Variants in RUNX1 observed in about 807,000 individuals in gnomAD.
RUNX1 encodes RUNX family transcription factor 1.
A neutral mutation model predicts 42.8 loss-of-function variants in RUNX1; 19 were observed. The ratio of observed to expected loss-of-function variants is 0.44; its 90% CI spans 0.31 to 0.65. RUNX1 has a LOEUF of 0.65. Among genes scored for constraint, RUNX1 ranks in the 30% least tolerant of loss-of-function variants. RUNX1 has a pLI of 0.07. For synonymous variants in RUNX1, 271 were observed against 289.4 expected (o/e 0.94, Z 0.64); for missense variants, 528 against 672.0 (o/e 0.79, Z 2.37).
At chr21:34,897,560 A>T (rs2058140510) in intron 2 of RUNX1, among the ~76,000 whole-genome samples, 3 of 152,128 alleles carry the variant, frequency 2.0e-5, no homozygotes, top group Admixed American at 2.0e-4. Flanking sequence ...GAATTATAAT[A>T]TATTTTGGGT....
Position 35,034,623 on chromosome 21 carries a change from G to C in RUNX1, c.58+14219C>G, listed in dbSNP as rs60634499. On this transcript the variant is annotated intron_variant, in intron 2 of 8. Transcript: ENST00000675419. ...GTGGCAACATGAGGAGGGAAGGGTT[G>C]TCACTAGTGTCTAGTGGGTGTGGGC... Among the ~76,000 whole-genome samples the C allele has an allele frequency of 4.1e-3, 629 of 152,328 alleles. 5 individuals carry two copies. The highest frequency in any genetic ancestry group is 0.014 in the African/African-American group (582 of 41,572).
chr21:34,856,817 G>A (rs146445757), intron 6 of RUNX1, among the ~76,000 whole-genome samples: 242 of 152,300 alleles, frequency 1.6e-3, no homozygotes, highest in African/African-American at 5.4e-3. Context: ...GAGGGGACTC[G>A]GGAGGTCTTA....
intron 8 of RUNX1, chr21:34,798,069 G>A: frequency 4.4e-6 from 2 of 456,642 alleles, no homozygotes; most frequent in Non-Finnish European, 8.8e-6. Flanking sequence ...GGCATCTGGT[G>A]AAACCTGAAG....
intron 2 of RUNX1, among the ~76,000 whole-genome samples, chr21:34,942,260 T>C (rs2058532854): frequency 1.3e-5 from 2 of 152,066 alleles, no homozygotes. Context: ...TATTTTAAAT[T>C]GCAGTTTTCC....
intron 2 of RUNX1, among the ~76,000 whole-genome samples, chr21:34,962,434 C>T (rs1381029201): frequency 6.6e-6 from 1 of 152,164 alleles, no homozygotes; most frequent in Admixed American, 6.5e-5. Flanking sequence ...TTAACTCTTC[C>T]CTTTTGCTAG....
intron 2 of RUNX1, among the ~76,000 whole-genome samples, chr21:34,975,568 T>C (rs576539208): frequency 6.6e-6 from 1 of 152,206 alleles, no homozygotes; most frequent in Non-Finnish European, 1.5e-5. Context: ...AGAGGGGTCC[T>C]GAAACCAATA....
chr21:35,015,360 G>A (rs1217296888), intron 2 of RUNX1, among the ~76,000 whole-genome samples: 1 of 152,198 alleles, frequency 6.6e-6, no homozygotes, highest in Non-Finnish European at 1.5e-5. Context: ...ATATTTAGGT[G>A]TTAGCTTTCT....
At chr21:34,878,362 T>TATATATATATATACACACACAC (rs2057847408) in intron 5 of RUNX1, among the ~76,000 whole-genome samples, 4 of 139,864 alleles carry the variant, frequency 2.9e-5, no homozygotes, top group Non-Finnish European at 6.1e-5. Flanking sequence ...AAAAAAAAAA[T>TATATATATATATACACACACAC]ATATATATAT....
chr21:34,853,881 C>T (rs28542873), intron 6 of RUNX1, among the ~76,000 whole-genome samples: 3 of 149,836 alleles, frequency 2.0e-5, no homozygotes, highest in Non-Finnish European at 3.0e-5. Context: ...GGCACCATCT[C>T]GGCTCACTGC....
intron 6 of RUNX1, among the ~76,000 whole-genome samples, chr21:34,849,346 T>TAC (rs1395661978): frequency 5.1e-5 from 2 of 39,270 alleles, no homozygotes; most frequent in Non-Finnish European, 9.8e-5. Context: ...ATATATTATA[T>TAC]ATAGTATATA....
At chr21:34,893,782 TTA>T (rs1491245015) in intron 2 of RUNX1, among the ~76,000 whole-genome samples, 2 of 121,520 alleles carry the variant, frequency 1.6e-5, no homozygotes, top group African/African-American at 3.4e-5. Flanking sequence ...TTTTTTTTTT[TTA>T]AAAAAAAACC....
chr21:34,930,347 G>C (rs1273154599), intron 2 of RUNX1, among the ~76,000 whole-genome samples: 2 of 148,830 alleles, frequency 1.3e-5, no homozygotes, highest in Non-Finnish European at 3.0e-5. Flanking sequence ...TATGAACCTA[G>C]ACTCTGGTTC....
chr21:35,003,910 C>T (rs555948056), intron 2 of RUNX1, among the ~76,000 whole-genome samples: 2 of 152,340 alleles, frequency 1.3e-5, no homozygotes, highest in Non-Finnish European at 2.9e-5. Context: ...AGATTTATTT[C>T]GTTCAAATAC....
chr21:34,883,374 G>A lies in RUNX1; in HGVS notation c.352-2661C>T, dbSNP rs1379849089. 3.3e-5 allele frequency among the ~76,000 whole-genome samples: 5 copies of A among 151,832 alleles called. No individual in the cohort carries two copies. The East Asian group carries it at 9.6e-4, about 29-fold the overall frequency. ...GGTAAAGGGGAACTAGTAAATCCAGGGCAATTCATTAATACTGTATATCGT... is the reference window on the plus strand; with the variant it reads ...GGTAAAGGGGAACTAGTAAATCCAGAGCAATTCATTAATACTGTATATCGT... On this transcript the variant is annotated intron_variant, in intron 4 of 8. Transcript: ENST00000675419.
chr21:35,045,983 T>C (rs1022528712), intron 2 of RUNX1, among the ~76,000 whole-genome samples: 29 of 152,160 alleles, frequency 1.9e-4, no homozygotes, highest in South Asian at 2.1e-4. Context: ...CAAGGCTACC[T>C]GAGCCATTTT....
intron 2 of RUNX1, among the ~76,000 whole-genome samples, chr21:34,992,688 A>G (rs866689507): frequency 0.05 from 7,204 of 144,684 alleles, 536 homozygotes; most frequent in African/African-American, 0.17. Flanking sequence ...AAAAAAAAAA[A>G]GAAAAAAAAA....
At chr21:34,880,492 A>C (rs2057881535) in intron 5 of RUNX1, 65 bp downstream of exon 5, 1 of 1,524,394 alleles carries the variant, frequency 6.6e-7, no homozygotes, top group Admixed American at 1.7e-5. Flanking sequence ...AAATCACTAG[A>C]ATTTTGAAAT....
At chr21:34,818,499 T>A (rs2056863443) in intron 7 of RUNX1, among the ~76,000 whole-genome samples, 1 of 151,374 alleles carries the variant, frequency 6.6e-6, no homozygotes, top group Non-Finnish European at 1.5e-5. Flanking sequence ...ATGTGAAAAA[T>A]AAGCAGCCTG....
intron 6 of RUNX1, among the ~76,000 whole-genome samples, chr21:34,837,614 A>G (rs753896911): frequency 6.6e-5 from 10 of 152,204 alleles, no homozygotes; most frequent in Non-Finnish European, 1.2e-4. Flanking sequence ...AATGTTAAAT[A>G]GAGGAGTATG....
Sources: gnomAD v4.1 joint callset for allele counts (sites outside exome capture counted in the v4.1 genomes callset) on GRCh38, gnomAD v4.1.1 for gene constraint, MANE v1.5 for transcripts, NCBI Gene and HGNC (gene_info 2026-07-23, HGNC 2026-07-21) for gene names.